Variants in FANCD2OS observed in about 807,000 individuals in gnomAD.
FANCD2OS encodes the protein FANCD2 opposite strand, also known as FANCD2 opposite strand protein.
Under a neutral mutation model 13.2 loss-of-function variants are expected in FANCD2OS, and 11 were observed. The ratio of observed to expected loss-of-function variants is 0.83; its 90% CI spans 0.52 to 1.38. FANCD2OS has a LOEUF of 1.38. Ranked by LOEUF, FANCD2OS falls within the 40% of genes most tolerant of loss-of-function variation. FANCD2OS has a pLI of 0.00. For synonymous variants in FANCD2OS, 69 were observed against 84.5 expected (o/e 0.82, Z 1.01); for missense variants, 217 against 213.9 (o/e 1.01, Z -0.09).
intron 1 of FANCD2OS, among the ~76,000 whole-genome samples, chr3:10,105,983 T>G (rs918009984): frequency 4.6e-5 from 7 of 151,502 alleles, no homozygotes; most frequent in African/African-American, 1.5e-4. Context: ...TTGTCTATTT[T>G]GAGAATTTCT....
intron 2 of FANCD2OS, among the ~76,000 whole-genome samples, chr3:10,090,033 G>A (rs558022247): frequency 6.6e-6 from 1 of 152,268 alleles, no homozygotes; most frequent in African/African-American, 2.4e-5. Flanking sequence ...CTCAAACTCA[G>A]ATCTTCTCAC....
At chr3:10,095,085 A>C (rs1694872419) in intron 2 of FANCD2OS, 1 of 842,244 alleles carries the variant, frequency 1.2e-6, no homozygotes, top group Admixed American at 2.0e-5. Flanking sequence ...GATTATCAGC[A>C]TAGGCTGGAA....
intron 2 of FANCD2OS, chr3:10,093,165 C>T: frequency 1.3e-6 from 1 of 746,000 alleles, no homozygotes; most frequent in Non-Finnish European, 2.4e-6. Flanking sequence ...TAAATGTTGA[C>T]ATTCCTCCAT....
rs915499730 is a variant in FANCD2OS, at chr3:10,104,117, C to T, written c.*124G>A. ...GAAAGGGGCTCCTGAATCATCACTG[C>T]TTGAAACAAAAGCAAGATGGCTGGG... On this transcript the variant is annotated 3_prime_UTR_variant, in exon 2 of 2. Transcript: ENST00000450660. The T allele has an allele frequency of 1.1e-6, 1 of 922,200 alleles. No homozygotes were observed. Among genetic ancestry groups the T allele is most frequent in the East Asian group, 2.7e-5 (1 of 37,608 alleles). The allele number at this position is 922,200 out of a possible 1,614,324, so 57.1% of individuals were successfully genotyped here. A position where few individuals can be genotyped will look rare whatever the true frequency, so the allele number is the denominator to read the frequency against.
At chr3:10,084,139 G>C (rs544820499) in intron 2 of FANCD2OS, among the ~76,000 whole-genome samples, 11 of 151,650 alleles carry the variant, frequency 7.3e-5, no homozygotes, top group African/African-American at 2.7e-4. Context: ...GATTACATGC[G>C]CCTGCCACTG....
intron 2 of FANCD2OS, among the ~76,000 whole-genome samples, chr3:10,093,599 G>A (rs900307772): frequency 6.6e-6 from 1 of 152,140 alleles, no homozygotes; most frequent in African/African-American, 2.4e-5. Flanking sequence ...GTTACCTTCC[G>A]TGCCATTCCT....
At chr3:10,085,936 A>G (rs748717972) in intron 2 of FANCD2OS, 17 of 1,547,744 alleles carry the variant, frequency 1.1e-5, no homozygotes, top group Middle Eastern at 1.7e-4. Flanking sequence ...AGTCATAACT[A>G]CATAGCCAAG....
chr3:10,097,067 T>G (rs1168104511), intron 2 of FANCD2OS, among the ~76,000 whole-genome samples: 1 of 152,096 alleles, frequency 6.6e-6, no homozygotes, highest in African/African-American at 2.4e-5. Context: ...CAGCAAGTTT[T>G]TATTAGGGAT....
chr3:10,099,215 G>A, downstream of FANCD2OS: 2 of 1,359,816 alleles, frequency 1.5e-6, no homozygotes, highest in South Asian at 1.6e-5. Context: ...AGCATTTGGT[G>A]AAAGCCAAAG....
At chr3:10,102,094 A>T (rs2125106828), downstream of FANCD2OS, among the ~76,000 whole-genome samples, 1 of 151,350 alleles carries the variant, frequency 6.6e-6, no homozygotes, top group Middle Eastern at 3.5e-3. Flanking sequence ...ATCTGAGATG[A>T]GATATATCTG....
At chr3:10,101,352 A>G (rs181279000), downstream of FANCD2OS, 2 of 788,056 alleles carry the variant, frequency 2.5e-6, no homozygotes, top group East Asian at 2.8e-5. Context: ...TGCCTTTCTT[A>G]CTGGTAGGAT....
At position 10,104,030 on chromosome 3, in the gene FANCD2OS, C is replaced by A; in HGVS notation, c.*211G>T. On this transcript the variant is annotated 3_prime_UTR_variant, in exon 2 of 2. Transcript: ENST00000450660. ...CTAGTTTGACTCTAAATGGTTCAAC[C>A]TTACAATGGGAATGTTCTTCCTTGT... The A allele has an allele frequency of 3.6e-6, 2 of 561,402 alleles. No homozygotes were observed. Among genetic ancestry groups the A allele is most frequent in the Non-Finnish European group, 6.2e-6 (2 of 321,702 alleles). 34.8% of individuals were successfully genotyped at this position (561,402 alleles called of 1,614,324 possible).
chr3:10,107,782 C>T (rs574357356), intron 1 of FANCD2OS, among the ~76,000 whole-genome samples: 7 of 152,060 alleles, frequency 4.6e-5, no homozygotes, highest in African/African-American at 1.2e-4. Context: ...GGGACGAGAG[C>T]GCTTCTAAAC....
At position 10,095,129 on chromosome 3, in the gene FANCD2OS, T is replaced by C. The variant is rs1049235343; in HGVS notation, c.*43+9069A>G. The C allele has an allele frequency of 9.2e-6, 12 of 1,307,638 alleles. No individual in the cohort carries two copies. The African/African-American group carries it at 1.6e-4, about 17-fold the overall frequency. 81.0% of individuals were successfully genotyped at this position (1,307,638 alleles called of 1,614,324 possible). A position where few individuals can be genotyped will look rare whatever the true frequency, so the allele number is the denominator to read the frequency against. On this transcript the variant is annotated intron_variant, in intron 2 of 2. Coordinates refer to the FANCD2OS transcript ENST00000524279. ...GTTTATCCTCTTTGGAGCTTTTGAT[T>C]GCAAGGGTATCTTGAATCTAAAATG...
intron 2 of FANCD2OS, chr3:10,088,505 A>T (rs1267974483): frequency 6.2e-7 from 1 of 1,611,248 alleles, no homozygotes; most frequent in South Asian, 1.1e-5. Context: ...TAAAGAGAAG[A>T]GCAACATCTC....
At chr3:10,104,950 AT>A (rs1695429816) in intron 1 of FANCD2OS, among the ~76,000 whole-genome samples, 168 bp from the exon 2 acceptor site, 1 of 136,926 alleles carries the variant, frequency 7.3e-6, no homozygotes. Context: ...ATTTTATTTT[AT>A]TTTTTCTTTT....
At chr3:10,096,332 C>G (rs2125095183) in intron 2 of FANCD2OS, 1 of 1,614,002 alleles carries the variant, frequency 6.2e-7, no homozygotes, top group Non-Finnish European at 8.5e-7. Flanking sequence ...TCAGATTCAC[C>G]AGGACACGAG....
At chr3:10,101,190 T>C (rs1695277898), downstream of FANCD2OS, 1 of 1,611,622 alleles carries the variant, frequency 6.2e-7, no homozygotes, top group Non-Finnish European at 8.5e-7. Context: ...CCCCTTAGGA[T>C]GGTGAAGAAG....
intron 1 of FANCD2OS, among the ~76,000 whole-genome samples, chr3:10,105,764 AAAAAAAATTAT>A (rs1450464583): frequency 1.0e-4 from 7 of 67,064 alleles, no homozygotes; most frequent in African/African-American, 5.2e-4. Context: ...AAAAAAAAAA[AAAAAAAATTAT>A]ATATATATAT....
Sources: allele counts gnomAD v4.1 joint callset (sites outside exome capture counted in the v4.1 genomes callset), GRCh38; gene constraint gnomAD v4.1.1; transcripts MANE v1.5; gene names NCBI Gene and HGNC (gene_info 2026-07-23, HGNC 2026-07-21).